NINL: variants seen among roughly 807,000 people sequenced by gnomAD.
NINL encodes the protein ninein like.
Under a neutral mutation model 160.3 loss-of-function variants are expected in NINL, and 153 were observed. That is an observed-to-expected ratio of 0.95 (90% CI 0.84 to 1.09). The LOEUF is 1.09. Ranked by LOEUF, NINL falls within the 50% of genes least tolerant of loss-of-function variation. NINL has a pLI of 0.00. For missense variants in NINL, 1,829 were observed against 1,764.0 expected (o/e 1.04, Z -0.66); for synonymous variants, 800 against 734.8 (o/e 1.09, Z -1.43).
At chr20:25,463,349 T>C (rs2062836839) in intron 19 of NINL, among the ~76,000 whole-genome samples, 1 of 152,196 alleles carries the variant, frequency 6.6e-6, no homozygotes, top group Non-Finnish European at 1.5e-5. Context: ...TATTTAAACT[T>C]GAGGTACATG....
chr20:25,476,611 C>G lies in NINL; in HGVS notation c.2680G>C (p.Ala894Pro), dbSNP rs770146727. 17 of 1,594,644 alleles carry G rather than the reference C, an allele frequency of 1.1e-5. No homozygotes were observed. The highest frequency in any genetic ancestry group is 1.4e-5 in the Non-Finnish European group (16 of 1,177,544). ...DTEATQSPAPAPAPASHGPSE... is the reference protein window; with the variant it reads ...DTEATQSPAPPPAPASHGPSE... Reference sequence around the variant, plus strand: ...GGGCCGTGGGATGCCGGGGCAGGGGCGGGGGCCGGGCTCTGCGTAGCTTCT... The same window carrying G: ...GGGCCGTGGGATGCCGGGGCAGGGGGGGGGGCCGGGCTCTGCGTAGCTTCT... Residue 894 changes from alanine (A) to proline (P), a missense_variant, in exon 17 of 24, where the codon GCC becomes CCC. Ala to Pro is a conservative substitution (Grantham distance 27). Transcript: ENST00000278886.
At chr20:25,460,923 G>A (rs572610254) in intron 21 of NINL, among the ~76,000 whole-genome samples, 10 of 152,270 alleles carry the variant, frequency 6.6e-5, no homozygotes, top group Non-Finnish European at 1.0e-4. Flanking sequence ...ACCTTTGGCC[G>A]TTACACACCT....
In NINL at chr20:25,498,403, C is replaced by T. The variant is rs894835907; in HGVS notation, c.1033-57G>A. On this transcript the variant is annotated intron_variant, in intron 8 of 23. Coordinates refer to ENST00000278886, the MANE Select transcript of NINL (RefSeq NM_025176.6). The stretch of plus-strand genomic sequence containing the variant: ...GCTGAGGGACTTCCCCAAGCAGACA[C>T]CTCTTTGCTCCCTCCCTGATCCAGG... The T allele has an allele frequency of 6.3e-6, 10 of 1,594,936 alleles. No homozygotes were observed. In the East Asian group the frequency reaches 1.6e-4, roughly 25 times the overall value.
At chr20:25,468,605 C>T (rs1405882506) in intron 18 of NINL, among the ~76,000 whole-genome samples, 1 of 143,386 alleles carries the variant, frequency 7.0e-6, no homozygotes, top group African/African-American at 2.7e-5. Flanking sequence ...CCCCTCTGTC[C>T]TGTCCCCTGA....
intron 1 of NINL, among the ~76,000 whole-genome samples, chr20:25,557,482 G>A (rs1348002534): frequency 6.6e-6 from 1 of 150,484 alleles, no homozygotes; most frequent in Non-Finnish European, 1.5e-5. Flanking sequence ...AGTGAGCCGA[G>A]ATCACACCAC....
At chr20:25,459,340 C>T (rs2090776889) in intron 21 of NINL, among the ~76,000 whole-genome samples, 1 of 152,118 alleles carries the variant, frequency 6.6e-6, no homozygotes, top group Middle Eastern at 3.2e-3. Context: ...CTGACTCAGC[C>T]GAGCTGGGGG....
intron 10 of NINL, among the ~76,000 whole-genome samples, chr20:25,494,007 A>G (rs1484454161): frequency 1.3e-5 from 2 of 152,018 alleles, no homozygotes; most frequent in East Asian, 1.9e-4. Flanking sequence ...CCACAGCCAC[A>G]GGAGCCAGTG....
intron 17 of NINL, among the ~76,000 whole-genome samples, chr20:25,471,914 T>C (rs566160276): frequency 1.3e-5 from 2 of 152,112 alleles, no homozygotes; most frequent in African/African-American, 2.4e-5. Context: ...AAGCCACCCA[T>C]AAATGACAGC....
intron 8 of NINL, 144 bp from the exon 9 acceptor site, chr20:25,498,490 G>T: frequency 1.9e-6 from 2 of 1,050,762 alleles, no homozygotes; most frequent in Non-Finnish European, 2.7e-6. Context: ...AGGTCTCTGC[G>T]TCTTGAGGGG....
chr20:25,470,444 G>GT (rs1324279070), intron 17 of NINL, among the ~76,000 whole-genome samples: 4 of 152,238 alleles, frequency 2.6e-5, no homozygotes, highest in Non-Finnish European at 5.9e-5. Context: ...AGTGCTGGGC[G>GT]TGAGTCCTCA....
intron 3 of NINL, among the ~76,000 whole-genome samples, chr20:25,514,032 G>C (rs940447241): frequency 6.6e-6 from 1 of 152,232 alleles, no homozygotes; most frequent in African/African-American, 2.4e-5. Flanking sequence ...TTTGGAATTG[G>C]ATAACAGGCA....
chr20:25,467,406 C>T lies in NINL; in HGVS notation c.3406G>A (p.Glu1136Lys), dbSNP rs376251888. The T allele has an allele frequency of 1.9e-6, 3 of 1,613,862 alleles. No homozygotes were observed. Among genetic ancestry groups the T allele is most frequent in the African/African-American group, 2.7e-5 (2 of 74,944 alleles). ...KDKEKACSEM[E>K]VLNRQNQNYK... ...TACGTCACCTGTCTGTTGAGCACCT[C>T]CATCTCAGAGCAGGCCTTTTCCTTG... Residue 1136 changes from glutamate to lysine, a missense_variant, in exon 19 of 24, where the codon GAG becomes AAG. By Grantham distance (56) the Glu-to-Lys change is moderately conservative. Transcript: ENST00000278886.
At chr20:25,461,821 C>T (rs1289269493) in intron 20 of NINL, among the ~76,000 whole-genome samples, 186 bp from the exon 21 acceptor site, 1 of 152,240 alleles carries the variant, frequency 6.6e-6, no homozygotes, top group Admixed American at 6.5e-5. Flanking sequence ...TACACACACG[C>T]ATCTCCCTGG....
chr20:25,497,567 C>T (rs2063782392), intron 9 of NINL, among the ~76,000 whole-genome samples: 1 of 152,228 alleles, frequency 6.6e-6, no homozygotes, highest in African/African-American at 2.4e-5. Flanking sequence ...ACAAAAACAC[C>T]ACGACAATCT....
chr20:25,454,561 G>A (rs2090619417), intron 23 of NINL, among the ~76,000 whole-genome samples: 1 of 152,186 alleles, frequency 6.6e-6, no homozygotes, highest in Non-Finnish European at 1.5e-5. Context: ...CAAATGCCTT[G>A]TCTAGCTTGG....
rs563958229 is a variant in NINL, at chr20:25,476,251, C to T, written c.3040G>A (p.Val1014Met). 39 of 1,614,024 alleles carry T rather than the reference C, an allele frequency of 2.4e-5. No individual in the cohort carries two copies. The highest frequency in any genetic ancestry group is 2.3e-4 in the Admixed American group (14 of 60,022). The change falls in exon 17 of 24, where the codon GTG becomes ATG. Residue 1014 changes from valine to methionine, a missense_variant. Transcript: ENST00000278886. ...ALEPGCHKHSVEVARRGSLPS... is the reference protein window; with the variant it reads ...ALEPGCHKHSMEVARRGSLPS... ...AAGGACCCTCTCCTGGCAACCTCCACACTGTGCTTGTGACACCCAGGCTCC... is the reference window on the plus strand; with the variant it reads ...AAGGACCCTCTCCTGGCAACCTCCATACTGTGCTTGTGACACCCAGGCTCC...
At chr20:25,472,363 A>ATATG (rs2063124027) in intron 17 of NINL, among the ~76,000 whole-genome samples, 1 of 81,470 alleles carries the variant, frequency 1.2e-5, no homozygotes, top group Admixed American at 1.1e-4. Context: ...ATATATATAT[A>ATATG]TATACTTTTT....
intron 9 of NINL, 142 bp from the exon 10 acceptor site, chr20:25,496,945 C>T (rs1356077736): frequency 4.6e-6 from 5 of 1,084,674 alleles, no homozygotes; most frequent in East Asian, 5.0e-5. Flanking sequence ...CACCAGCCTG[C>T]TCCTAAGGCA....
At chr20:25,506,617 A>G (rs905334342) in intron 5 of NINL, among the ~76,000 whole-genome samples, 1 of 152,242 alleles carries the variant, frequency 6.6e-6, no homozygotes, top group Admixed American at 6.5e-5. Context: ...AGAACACATT[A>G]ACCAACAGTG....
Sources: gnomAD v4.1 joint callset for allele counts (sites outside exome capture counted in the v4.1 genomes callset) on GRCh38, gnomAD v4.1.1 for gene constraint, MANE v1.5 for transcripts, NCBI Gene and HGNC (gene_info 2026-07-23, HGNC 2026-07-21) for gene names.